The following NRXN3 variants were observed in gnomAD, a reference collection of about 807,000 sequenced individuals.
NRXN3 encodes the protein neurexin III.
In NRXN3, 32 loss-of-function variants were observed where a neutral mutation model predicts 137.6. The ratio of observed to expected loss-of-function variants is 0.23; its 90% CI spans 0.18 to 0.31. The LOEUF is 0.31. Among genes scored for constraint, NRXN3 ranks in the 10% least tolerant of loss-of-function variants. The pLI is 1.00. For missense variants in NRXN3, 1,574 were observed against 2,062.5 expected, an observed-to-expected ratio of 0.76 and a Z score of 4.59; for synonymous variants, 798 against 784.5, an observed-to-expected ratio of 1.02 and a Z score of -0.29.
At chr14:79,847,228 C>T (rs990595906) in intron 20 of NRXN3, among the ~76,000 whole-genome samples, 10 of 152,156 alleles carry the variant, frequency 6.6e-5, no homozygotes, top group Admixed American at 2.6e-4. Context: ...GCCATCATTA[C>T]TACTTCCTTC....
rs1160967509 is a variant in NRXN3, at chr14:78,778,670, CTCTTTTCT to C, written c.2045-24948_2045-24941del. 6.4e-5 allele frequency among the ~76,000 whole-genome samples: 9 copies of C among 139,618 alleles called. No homozygotes were observed. In the East Asian group the frequency reaches 2.0e-3, roughly 31 times the overall value. 91.6% of individuals were successfully genotyped at this position (139,618 alleles called of 152,430 possible). A position where few individuals can be genotyped will look rare whatever the true frequency, so the allele number is the denominator to read the frequency against. ...TCTTCCCTTCTTTTCCTTTTCTTTT[CTCTTTTCT>C]TTTCTTTCTTTCTTTCTTTCTTTCT... On this transcript the variant is annotated intron_variant, in intron 8 of 20. Coordinates refer to ENST00000335750, the MANE Select transcript of NRXN3 (RefSeq NM_001330195.2).
intron 16 of NRXN3, among the ~76,000 whole-genome samples, chr14:79,562,521 G>C (rs144033141): frequency 1.3e-5 from 2 of 152,296 alleles, no homozygotes; most frequent in Non-Finnish European, 2.9e-5. Flanking sequence ...CAGCCAGTGT[G>C]TCAACAAAAA....
At chr14:78,886,402 A>G (rs1372614575) in intron 10 of NRXN3, among the ~76,000 whole-genome samples, 1 of 152,102 alleles carries the variant, frequency 6.6e-6, no homozygotes, top group African/African-American at 2.4e-5. Flanking sequence ...TACAGAGTTC[A>G]TGATATTCAA....
At chr14:78,809,332 GAA>G (rs67596922) in intron 9 of NRXN3, among the ~76,000 whole-genome samples, 137,999 of 152,084 alleles carry the variant, frequency 0.91, 63,858 homozygotes, top group East Asian at 1. Context: ...ATCACAGAGT[GAA>G]AAATACTCAA....
At position 79,161,463 on chromosome 14, in the gene NRXN3, G is replaced by A. The variant is rs959165721; in HGVS notation, c.3262+173322G>A. On this transcript the variant is annotated intron_variant, in intron 15 of 20. Transcript: ENST00000335750. ...CAACATTCTCCAATGCAGATCACTA[G>A]GCAGAAACATCTTGACACGGCATAT... Among the ~76,000 whole-genome samples the A allele has an allele frequency of 2.0e-4, 31 of 151,958 alleles. No homozygotes were observed. In the East Asian group the frequency reaches 5.5e-3, roughly 27 times the overall value.
chr14:79,378,329 G>A (rs1299327328), intron 15 of NRXN3, among the ~76,000 whole-genome samples: 1 of 152,190 alleles, frequency 6.6e-6, no homozygotes, highest in African/African-American at 2.4e-5. Flanking sequence ...GGTGCCCAGA[G>A]AGAAACCCTG....
intron 15 of NRXN3, among the ~76,000 whole-genome samples, chr14:79,263,806 T>C (rs569948819): frequency 2.3e-4 from 35 of 151,886 alleles, no homozygotes; most frequent in African/African-American, 8.2e-4. Context: ...ACCATAGATA[T>C]TATGTACTAC....
At chr14:79,039,530 T>G (rs534239218) in intron 15 of NRXN3, among the ~76,000 whole-genome samples, 225 of 152,244 alleles carry the variant, frequency 1.5e-3, no homozygotes, top group African/African-American at 5.1e-3. Flanking sequence ...CTGAAACACA[T>G]GTTCTGCACC....
intron 15 of NRXN3, among the ~76,000 whole-genome samples, chr14:79,016,929 G>T (rs1008429720): frequency 2.0e-5 from 3 of 152,120 alleles, no homozygotes; most frequent in Non-Finnish European, 4.4e-5. Flanking sequence ...AGAGTATCAG[G>T]ACCATTTGGA....
chr14:79,573,005 G>A (rs2097624100), intron 16 of NRXN3: 1 of 152,210 alleles, frequency 6.6e-6, no homozygotes. Context: ...TATTATATAA[G>A]TAAGGGTGAG....
chr14:79,767,172 C>A (rs1424787514), intron 19 of NRXN3, among the ~76,000 whole-genome samples: 1 of 152,174 alleles, frequency 6.6e-6, no homozygotes, highest in African/African-American at 2.4e-5. Context: ...CTGTCTCCTG[C>A]CTCTGTAGTC....
At chr14:79,761,224 T>A (rs2099037284) in intron 19 of NRXN3, among the ~76,000 whole-genome samples, 1 of 151,760 alleles carries the variant, frequency 6.6e-6, no homozygotes, top group Non-Finnish European at 1.5e-5. Context: ...ATCCGACGGC[T>A]CCTCTTCCTT....
At chr14:79,803,768 T>C (rs2099191050) in intron 19 of NRXN3, among the ~76,000 whole-genome samples, 1 of 151,990 alleles carries the variant, frequency 6.6e-6, no homozygotes. Context: ...TGTGTTTTAC[T>C]AGCTGTATGT....
At chr14:79,314,883 A>G (rs1157033314) in intron 15 of NRXN3, among the ~76,000 whole-genome samples, 1 of 151,578 alleles carries the variant, frequency 6.6e-6, no homozygotes, top group Non-Finnish European at 1.5e-5. Flanking sequence ...ACTAACAACC[A>G]GAAAGGACAT....
chr14:79,265,075 T>C (rs1241076701), intron 15 of NRXN3, among the ~76,000 whole-genome samples: 1 of 152,060 alleles, frequency 6.6e-6, no homozygotes, highest in South Asian at 2.1e-4. Flanking sequence ...GGACAAAGAA[T>C]GAGTTAAGAT....
intron 15 of NRXN3, among the ~76,000 whole-genome samples, chr14:78,994,803 A>T (rs1324782251): frequency 6.6e-6 from 1 of 152,160 alleles, no homozygotes; most frequent in African/African-American, 2.4e-5. Flanking sequence ...GGTAGTTTTT[A>T]TTGTAGCTAA....
intron 19 of NRXN3, among the ~76,000 whole-genome samples, chr14:79,728,576 T>C (rs1170433463): frequency 6.6e-6 from 1 of 152,214 alleles, no homozygotes; most frequent in Admixed American, 6.5e-5. Flanking sequence ...TTTTCATCTT[T>C]GCAGGCCCCA....
At chr14:79,777,047 G>A (rs1162917766) in intron 19 of NRXN3, among the ~76,000 whole-genome samples, 1 of 152,162 alleles carries the variant, frequency 6.6e-6, no homozygotes, top group Non-Finnish European at 1.5e-5. Flanking sequence ...TTGTCAGGAA[G>A]GCAATGTAAG....
At chr14:79,692,503 A>C (rs1288961962) in intron 18 of NRXN3, among the ~76,000 whole-genome samples, 1 of 152,114 alleles carries the variant, frequency 6.6e-6, no homozygotes, top group Non-Finnish European at 1.5e-5. Flanking sequence ...GACAAACACA[A>C]ACAAGAAATT....
Sources: allele counts gnomAD v4.1 joint callset (sites outside exome capture counted in the v4.1 genomes callset), GRCh38; gene constraint gnomAD v4.1.1; transcripts MANE v1.5; gene names NCBI Gene and HGNC (gene_info 2026-07-23, HGNC 2026-07-21).